Variants in ADAD1 observed in about 807,000 individuals in gnomAD.
The protein encoded by ADAD1 is adenosine deaminase domain-containing protein 1.
In ADAD1, 46 loss-of-function variants were observed where a neutral mutation model predicts 66.8. The ratio of observed to expected loss-of-function variants is 0.69; its 90% CI spans 0.54 to 0.88. The LOEUF is 0.88. ADAD1 is among the 40% of genes least tolerant of loss of function. The pLI, the probability that ADAD1 is intolerant of heterozygous loss-of-function variation, is 0.00. For missense variants in ADAD1, 617 were observed against 681.8 expected (o/e 0.91, Z 1.06); for synonymous variants, 248 against 229.4 (o/e 1.08, Z -0.73).
chr4:122,419,886 T>C (rs187666789), intron 11 of ADAD1, among the ~76,000 whole-genome samples: 1 of 152,330 alleles, frequency 6.6e-6, no homozygotes, highest in Non-Finnish European at 1.5e-5. Context: ...GGTAGTTTTT[T>C]TACAGGATAA....
At chr4:122,427,888 C>T (rs895064765) in intron 12 of ADAD1, among the ~76,000 whole-genome samples, 4 of 152,016 alleles carry the variant, frequency 2.6e-5, no homozygotes, top group Admixed American at 6.6e-5. Context: ...GAAAACTTAC[C>T]TACTTTCAAA....
At chr4:122,421,560 T>C (rs1350449367) in intron 12 of ADAD1, among the ~76,000 whole-genome samples, 170 bp downstream of exon 12, 1 of 152,202 alleles carries the variant, frequency 6.6e-6, no homozygotes, top group African/African-American at 2.4e-5. Context: ...AAATTAGATA[T>C]GTAAATAAGT....
Position 122,380,165 on chromosome 4 carries a change from G to T in ADAD1, c.96G>T (p.Thr32=), listed in dbSNP as rs755853675. ...TGCCAGTTCAACCAGCGACAAAGACGATAACTACACCCACAGGATGGTCCT... is the reference window on the plus strand; with the variant it reads ...TGCCAGTTCAACCAGCGACAAAGACTATAACTACACCCACAGGATGGTCCT... The part of the protein sequence containing the change: ...KNLPVQPATK[T]ITTPTGWSSE... Residue 32 remains threonine, a synonymous_variant, in exon 3 of 13, where the codon ACG becomes ACT. Transcript: ENST00000296513. The T allele has an allele frequency of 6.2e-7, 1 of 1,614,168 alleles. No individual in the cohort carries two copies. The highest frequency in any genetic ancestry group is 1.3e-5 in the African/African-American group (1 of 75,048).
chr4:122,397,809 A>T (rs1324647708), intron 7 of ADAD1, among the ~76,000 whole-genome samples: 2 of 152,206 alleles, frequency 1.3e-5, no homozygotes, highest in Non-Finnish European at 2.9e-5. Context: ...ATCCATAGGG[A>T]ATCTAGAAGC....
chr4:122,390,307 A>G (rs1795372665), intron 5 of ADAD1, among the ~76,000 whole-genome samples: 1 of 152,012 alleles, frequency 6.6e-6, no homozygotes, highest in Non-Finnish European at 1.5e-5. Context: ...CCTTCATTTC[A>G]GCCTTGGAGA....
intron 7 of ADAD1, among the ~76,000 whole-genome samples, chr4:122,407,146 G>A (rs1427803808): frequency 6.6e-6 from 1 of 152,152 alleles, no homozygotes; most frequent in Non-Finnish European, 1.5e-5. Context: ...CCATTAGGCG[G>A]TTGTGAATGT....
intron 11 of ADAD1, among the ~76,000 whole-genome samples, chr4:122,418,166 G>A (rs561821576): frequency 6.6e-6 from 1 of 152,056 alleles, no homozygotes; most frequent in South Asian, 2.1e-4. Flanking sequence ...ATCAGAAATA[G>A]AGAAAATTAA....
chr4:122,380,274 G>C (rs377645987), intron 3 of ADAD1, 33 bp downstream of exon 3: 1 of 1,582,032 alleles, frequency 6.3e-7, no homozygotes, highest in East Asian at 2.2e-5. Context: ...CAATGAGTCA[G>C]TTCTTTAAGA....
At chr4:122,395,326 C>T (rs1262989034) in intron 6 of ADAD1, among the ~76,000 whole-genome samples, 2 of 151,978 alleles carry the variant, frequency 1.3e-5, no homozygotes, top group African/African-American at 2.4e-5. Context: ...ACTGGGATTA[C>T]AGGTGTAAGC....
In ADAD1 at chr4:122,414,340, TA is replaced by T. The variant is rs1385857537; in HGVS notation, c.1250-1034del. On this transcript the variant is annotated intron_variant, in intron 10 of 12. Coordinates refer to ENST00000296513, the MANE Select transcript of ADAD1 (RefSeq NM_139243.4). ...AATGTAATAAATACATTAGGCTTTT[TA>T]AAAATCCTTATTATCTACTGTTCAT... 5.9e-5 allele frequency among the ~76,000 whole-genome samples: 9 copies of T among 151,754 alleles called. No individual in the cohort carries two copies. The East Asian group carries it at 1.7e-3, about 29-fold the overall frequency.
intron 7 of ADAD1, among the ~76,000 whole-genome samples, chr4:122,398,592 A>AG (rs1795824676): frequency 6.6e-6 from 1 of 152,158 alleles, no homozygotes; most frequent in Admixed American, 6.6e-5. Context: ...CATTCCCACC[A>AG]GCATTGTAAA....
At chr4:122,389,922 A>C (rs575208549) in intron 5 of ADAD1, among the ~76,000 whole-genome samples, 3 of 152,260 alleles carry the variant, frequency 2.0e-5, no homozygotes, top group East Asian at 3.9e-4. Flanking sequence ...TATTTTGCAC[A>C]CTAGTTGATG....
At chr4:122,384,114 A>G in intron 5 of ADAD1, 148 bp downstream of exon 5, 1 of 750,878 alleles carries the variant, frequency 1.3e-6, no homozygotes, top group East Asian at 2.7e-5. Context: ...CTGTCCACTG[A>G]TGTATTTAAT....
In ADAD1 at chr4:122,422,955, TTAAAAAAAAAAAAAAAAAA is replaced by T. The variant is rs1422260843; in HGVS notation, c.1617+1566_1617+1584del. ...GGACAGAGCAAGACCCTATTTCTCT[TTAAAAAAAAAAAAAAAAAA>T]AAAAAGAAGAAGAAGAAGAAGAAGG... On this transcript the variant is annotated intron_variant, in intron 12 of 12. Transcript: ENST00000296513. Among the ~76,000 whole-genome samples the T allele has an allele frequency of 6.8e-5, 7 of 103,400 alleles. No individual in the cohort carries two copies. In the East Asian group the frequency reaches 1.6e-3, roughly 24 times the overall value. The allele number at this position is 103,400 out of a possible 152,430, so 67.8% of individuals were successfully genotyped here.
chr4:122,380,541 C>A (rs1794843302), intron 3 of ADAD1: 2 of 375,960 alleles, frequency 5.3e-6, no homozygotes. Context: ...GTCTGTATTC[C>A]ACATAGCACT....
chr4:122,410,363 G>C (rs1796413843), intron 8 of ADAD1, among the ~76,000 whole-genome samples: 1 of 151,946 alleles, frequency 6.6e-6, no homozygotes, highest in African/African-American at 2.4e-5. Flanking sequence ...ATATATTTTT[G>C]ATGATGGGAT....
intron 5 of ADAD1, among the ~76,000 whole-genome samples, chr4:122,385,907 G>C (rs1795150931): frequency 6.6e-6 from 1 of 152,106 alleles, no homozygotes; most frequent in African/African-American, 2.4e-5. Context: ...ATTCCATGGT[G>C]TATATGTACC....
Position 122,383,979 on chromosome 4 carries a change from G to T in ADAD1, c.529+13G>T. ...TTAGAAACATCAGGTAAATACTCTT[G>T]ATTATAAAGTATTTATAAGAGGTAT... On this transcript the variant is annotated intron_variant, in intron 5 of 12. Transcript: ENST00000296513. The T allele has an allele frequency of 6.3e-7, 1 of 1,588,664 alleles. No individual in the cohort carries two copies.
chr4:122,393,617 T>TA lies in ADAD1; in HGVS notation c.558_559insA (p.Val187SerfsTer4). On this transcript the variant is annotated frameshift_variant, in exon 6 of 13. Transcript: ENST00000296513. LOFTEE classifies it high-confidence loss of function. Reference sequence around the variant, plus strand: ...CTCCTCCTTTCCCTGCAGAACCTGTTGTTTTATCTGAACTAGCATATGTTT... The same window carrying TA: ...CTCCTCCTTTCCCTGCAGAACCTGTTAGTTTTATCTGAACTAGCATATGTTT... 6.2e-7 allele frequency: 1 copy of TA among 1,602,724 alleles called. No homozygotes were observed.
Sources: allele counts gnomAD v4.1 joint callset (sites outside exome capture counted in the v4.1 genomes callset), GRCh38; gene constraint gnomAD v4.1.1; transcripts MANE v1.5; gene names NCBI Gene and HGNC (gene_info 2026-07-23, HGNC 2026-07-21).